The following CEP43 variants were observed in gnomAD, a reference collection of about 807,000 sequenced individuals.
CEP43 encodes the protein FGFR1 oncogene partner.
A neutral mutation model predicts 52.6 loss-of-function variants in CEP43; 36 were observed. The observed-to-expected ratio is 0.68, with a 90% CI of 0.52 to 0.90. CEP43 has a LOEUF of 0.90. CEP43 is among the 40% of genes least tolerant of loss of function. CEP43 has a pLI of 0.00. For synonymous variants in CEP43, 192 were observed against 172.4 expected (o/e 1.11, Z -0.89); for missense variants, 506 against 472.8 (o/e 1.07, Z -0.65).
rs774819071 is a variant in CEP43, at chr6:167,039,986, G to T, written c.*8G>T. 3.1e-6 allele frequency: 5 copies of T among 1,613,506 alleles called. No homozygotes were observed. The South Asian group carries it at 5.5e-5, about 18-fold the overall frequency. ...CTGGAAGATGTTGCATAGACACGAA[G>T]AAGGAAGTATTCTAATTAACAAGGA... On this transcript the variant is annotated 3_prime_UTR_variant, in exon 13 of 13. Coordinates refer to ENST00000366847, the MANE Select transcript of CEP43 (RefSeq NM_007045.4).
Position 167,045,925 on chromosome 6 carries a change from C to G in CEP43, c.*5947C>G, listed in dbSNP as rs1175960470. ...GCACATCCCCTCCTGCCCCAGCACC[C>G]CTACTGCCCATGCGCCTCTCCTGCC... On this transcript the variant is annotated 3_prime_UTR_variant, in exon 13 of 13. Coordinates refer to ENST00000366847, the MANE Select transcript of CEP43 (RefSeq NM_007045.4). 1 of 152,200 alleles carries G rather than the reference C, an allele frequency of 6.6e-6. No individual in the cohort carries two copies. The highest frequency in any genetic ancestry group is 2.4e-5 in the African/African-American group (1 of 41,354). The allele number at this position is 152,200 out of a possible 1,614,324, so 9.4% of individuals were successfully genotyped here. A position where few individuals can be genotyped will look rare whatever the true frequency, so the allele number is the denominator to read the frequency against.
At chr6:167,039,165 T>C (rs1379847679) in intron 12 of CEP43, among the ~76,000 whole-genome samples, 4 of 152,174 alleles carry the variant, frequency 2.6e-5, no homozygotes, top group Non-Finnish European at 4.4e-5. Flanking sequence ...AGTCTCGCTC[T>C]GTCACCCAAG....
chr6:167,009,661 G>C (rs961199379), intron 5 of CEP43, among the ~76,000 whole-genome samples: 28 of 135,252 alleles, frequency 2.1e-4, no homozygotes, highest in African/African-American at 7.9e-4. Flanking sequence ...ATGAAACTCC[G>C]TCTCAAAAAA....
chr6:167,035,707 C>T (rs1212356711), intron 12 of CEP43, among the ~76,000 whole-genome samples: 2 of 152,078 alleles, frequency 1.3e-5, no homozygotes, highest in African/African-American at 4.8e-5. Context: ...GCTGGGACTA[C>T]AGGCGCCTGC....
At chr6:167,029,396 T>C (rs1340703770) in intron 10 of CEP43, among the ~76,000 whole-genome samples, 4 of 152,222 alleles carry the variant, frequency 2.6e-5, no homozygotes. Flanking sequence ...AGAGTCTGGA[T>C]TTTTTTGGAT....
intron 5 of CEP43, among the ~76,000 whole-genome samples, chr6:167,010,453 A>G (rs905811779): frequency 1.3e-5 from 2 of 152,210 alleles, no homozygotes; most frequent in Non-Finnish European, 2.9e-5. Flanking sequence ...AAATTCAAGG[A>G]GGGCAAAAAG....
At chr6:167,023,118 G>A (rs1220578773) in intron 8 of CEP43, among the ~76,000 whole-genome samples, 3 of 152,276 alleles carry the variant, frequency 2.0e-5, no homozygotes, top group Middle Eastern at 3.4e-3. Context: ...GTTGCCGTGG[G>A]TTGATGGAGC....
At chr6:167,039,810 A>G (rs1222451102) in intron 12 of CEP43, 94 bp from the exon 13 acceptor site, 26 of 1,242,818 alleles carry the variant, frequency 2.1e-5, no homozygotes, top group Non-Finnish European at 2.8e-5. Context: ...TGCAGGAGTA[A>G]GGTGGTATCT....
intron 6 of CEP43, among the ~76,000 whole-genome samples, chr6:167,012,815 T>C (rs1780014208): frequency 2.0e-5 from 3 of 152,232 alleles, no homozygotes; most frequent in Admixed American, 1.3e-4. Context: ...CTTTAGAGAA[T>C]AGCGTTTGTC....
intron 5 of CEP43, among the ~76,000 whole-genome samples, chr6:167,005,862 T>G (rs370825702): frequency 2.0e-5 from 3 of 152,188 alleles, no homozygotes; most frequent in Non-Finnish European, 2.9e-5. Flanking sequence ...TGCCCTTTCA[T>G]TTTCTTTTCT....
intron 12 of CEP43, among the ~76,000 whole-genome samples, chr6:167,035,138 T>A (rs1241089360): frequency 2.0e-5 from 3 of 152,222 alleles, no homozygotes; most frequent in African/African-American, 7.2e-5. Context: ...GTTAGACTGC[T>A]TCTCACTGGG....
At chr6:167,018,466 C>T (rs1462299979) in intron 7 of CEP43, among the ~76,000 whole-genome samples, 6 of 152,090 alleles carry the variant, frequency 3.9e-5, no homozygotes, top group African/African-American at 1.4e-4. Context: ...TTACAGCTCA[C>T]TGCAACCTCC....
chr6:166,999,696 G>C (rs904336658), intron 1 of CEP43, 182 bp downstream of exon 1: 1 of 477,150 alleles, frequency 2.1e-6, no homozygotes. Flanking sequence ...CGGCTCGTTC[G>C]TTCGTGTGGT....
chr6:167,005,498 G>C (rs535651316), intron 5 of CEP43, among the ~76,000 whole-genome samples: 42 of 152,340 alleles, frequency 2.8e-4, no homozygotes, highest in African/African-American at 9.4e-4. Context: ...TAGGATGTCA[G>C]TTGTGGGGCG....
chr6:167,009,212 T>C (rs529843113), intron 5 of CEP43, among the ~76,000 whole-genome samples: 22 of 152,020 alleles, frequency 1.4e-4, no homozygotes, highest in Non-Finnish European at 2.4e-4. Flanking sequence ...GCCAACATGG[T>C]GGAACTCCAT....
At chr6:167,023,647 A>G (rs367563165) in intron 8 of CEP43, among the ~76,000 whole-genome samples, 1 of 152,168 alleles carries the variant, frequency 6.6e-6, no homozygotes, top group East Asian at 1.9e-4. Context: ...GGTGTGGGAG[A>G]CTACAGAGGA....
chr6:167,013,111 C>G (rs9459838), intron 6 of CEP43, among the ~76,000 whole-genome samples: 52,877 of 151,980 alleles, frequency 0.35, 10,395 homozygotes, highest in Non-Finnish European at 0.46. Flanking sequence ...TAGGGTCCAC[C>G]CAACCTTTAG....
chr6:167,009,618 T>G (rs541765873), intron 5 of CEP43, among the ~76,000 whole-genome samples: 2 of 138,930 alleles, frequency 1.4e-5, no homozygotes, highest in Non-Finnish European at 3.0e-5. Flanking sequence ...TAAGCCAAGA[T>G]CTCGCCATTG....
intron 10 of CEP43, among the ~76,000 whole-genome samples, chr6:167,028,709 A>G (rs557069354): frequency 1.8e-4 from 28 of 152,188 alleles, no homozygotes; most frequent in Non-Finnish European, 3.4e-4. Flanking sequence ...TTACAGATGA[A>G]GAATCTAGGT....
Sources: gnomAD v4.1 joint callset for allele counts (sites outside exome capture counted in the v4.1 genomes callset) on GRCh38, gnomAD v4.1.1 for gene constraint, MANE v1.5 for transcripts, NCBI Gene and HGNC (gene_info 2026-07-23, HGNC 2026-07-21) for gene names.